The following MTUS2 variants were observed in gnomAD, a reference collection of about 807,000 sequenced individuals.
MTUS2 encodes microtubule-associated tumor suppressor candidate 2.
MTUS2 carries 40 observed loss-of-function variants against 114.1 expected under a neutral mutation model. That is an observed-to-expected ratio of 0.35 (90% CI 0.27 to 0.46). The LOEUF is 0.46. Ranked by LOEUF, MTUS2 falls within the 20% of genes least tolerant of loss-of-function variation. MTUS2 has a pLI of 1.00. For missense variants in MTUS2, 1,679 were observed against 1,705.4 expected (o/e 0.98, Z 0.27); for synonymous variants, 688 against 672.0 (o/e 1.02, Z -0.37).
At chr13:28,933,980 T>A (rs553554373) in intron 2 of MTUS2, among the ~76,000 whole-genome samples, 1 of 152,242 alleles carries the variant, frequency 6.6e-6, no homozygotes, top group Non-Finnish European at 1.5e-5. Flanking sequence ...GAAATGGGAA[T>A]GTATGGATAT....
chr13:29,426,145 A>G (rs1361721490), intron 8 of MTUS2, among the ~76,000 whole-genome samples: 1 of 152,200 alleles, frequency 6.6e-6, no homozygotes, highest in Admixed American at 6.5e-5. Flanking sequence ...CCATACCTGC[A>G]GCTCAGGAGC....
intron 9 of MTUS2, among the ~76,000 whole-genome samples, chr13:29,455,679 C>T (rs1879055399): frequency 6.6e-6 from 1 of 152,120 alleles, no homozygotes; most frequent in Non-Finnish European, 1.5e-5. Flanking sequence ...AAAAAGTAGT[C>T]AGTAGAAATG....
At chr13:28,992,884 T>C (rs765151355) in intron 2 of MTUS2, among the ~76,000 whole-genome samples, 8 of 152,194 alleles carry the variant, frequency 5.3e-5, no homozygotes, top group Non-Finnish European at 5.9e-5. Context: ...TAAAAAACTT[T>C]CCATCTCTCC....
chr13:29,416,611 C>G (rs190687083), intron 8 of MTUS2, among the ~76,000 whole-genome samples: 2 of 152,220 alleles, frequency 1.3e-5, no homozygotes, highest in Admixed American at 1.3e-4. Context: ...CAAGAAAAAA[C>G]TCACAGTTTC....
intron 7 of MTUS2, among the ~76,000 whole-genome samples, chr13:29,356,765 G>A (rs1004831487): frequency 6.6e-6 from 1 of 152,204 alleles, no homozygotes; most frequent in African/African-American, 2.4e-5. Context: ...AAGCAATAGA[G>A]AACTCTACAA....
At chr13:28,847,413 G>A (rs1384720434) in intron 2 of MTUS2, among the ~76,000 whole-genome samples, 1 of 152,162 alleles carries the variant, frequency 6.6e-6, no homozygotes, top group African/African-American at 2.4e-5. Context: ...AGGGAGGGGA[G>A]TAGTCCAAAG....
At chr13:29,474,740 G>A (rs1311585348) in intron 9 of MTUS2, among the ~76,000 whole-genome samples, 1 of 152,122 alleles carries the variant, frequency 6.6e-6, no homozygotes, top group East Asian at 1.9e-4. Context: ...CCCCCTACTA[G>A]TTCCCTAAGG....
chr13:28,826,614 A>G, intron 1 of MTUS2, among the ~76,000 whole-genome samples: 1 of 152,234 alleles, frequency 6.6e-6, no homozygotes, highest in East Asian at 1.9e-4. Flanking sequence ...TGATGGCCTG[A>G]TACTGACTTT....
chr13:29,064,319 T>G (rs904422277), intron 4 of MTUS2, among the ~76,000 whole-genome samples: 20 of 151,016 alleles, frequency 1.3e-4, no homozygotes, highest in Admixed American at 2.6e-4. Flanking sequence ...TGGTTGTCAC[T>G]GAAAATAAAG....
chr13:29,435,792 A>C (rs1383957120), intron 8 of MTUS2, among the ~76,000 whole-genome samples: 2 of 152,246 alleles, frequency 1.3e-5, no homozygotes, highest in Non-Finnish European at 2.9e-5. Context: ...TCATTTCAAA[A>C]ACAAGCACTT....
intron 5 of MTUS2, among the ~76,000 whole-genome samples, chr13:29,165,329 C>T (rs1312305817): frequency 2.6e-5 from 4 of 152,204 alleles, no homozygotes; most frequent in Admixed American, 6.5e-5. Flanking sequence ...GATAAACCTT[C>T]GCCACCATCT....
intron 2 of MTUS2, among the ~76,000 whole-genome samples, chr13:28,902,849 G>A (rs984691308): frequency 2.0e-5 from 3 of 152,118 alleles, no homozygotes; most frequent in Admixed American, 6.6e-5. Context: ...GATTTGGGAA[G>A]TGTTTTCTTA....
At chr13:29,077,919 C>T (rs904120125) in intron 4 of MTUS2, among the ~76,000 whole-genome samples, 1 of 152,016 alleles carries the variant, frequency 6.6e-6, no homozygotes, top group Non-Finnish European at 1.5e-5. Flanking sequence ...AGAATCAATA[C>T]AAAAAGGGAA....
intron 8 of MTUS2, among the ~76,000 whole-genome samples, chr13:29,406,032 C>T (rs1468273663): frequency 6.6e-5 from 10 of 152,136 alleles, no homozygotes; most frequent in African/African-American, 9.7e-5. Context: ...TGAGTCACTG[C>T]GCCTGGCCTT....
At chr13:29,271,949 C>T (rs914220576) in intron 5 of MTUS2, among the ~76,000 whole-genome samples, 6 of 152,124 alleles carry the variant, frequency 3.9e-5, no homozygotes, top group Non-Finnish European at 5.9e-5. Flanking sequence ...TTTCCCCTCA[C>T]TCTTAGTCTT....
At chr13:29,023,172 T>G (rs914380188) in intron 2 of MTUS2, among the ~76,000 whole-genome samples, 9 of 151,556 alleles carry the variant, frequency 5.9e-5, no homozygotes, top group Non-Finnish European at 1.2e-4. Context: ...GATGGAAGAG[T>G]ATGCGCAAAG....
chr13:29,368,229 C>T, intron 8 of MTUS2, among the ~76,000 whole-genome samples: 1 of 151,850 alleles, frequency 6.6e-6, no homozygotes, highest in East Asian at 1.9e-4. Context: ...TGAGCCACTG[C>T]ACCCAGCCCC....
chr13:28,852,871 C>T (rs1593246788), intron 2 of MTUS2, among the ~76,000 whole-genome samples: 1 of 128,350 alleles, frequency 7.8e-6, no homozygotes, highest in South Asian at 2.3e-4. Flanking sequence ...ATACATACAT[C>T]CTGGGTGACA....
At chr13:29,316,525 T>C (rs1053675615) in intron 6 of MTUS2, among the ~76,000 whole-genome samples, 53 of 152,274 alleles carry the variant, frequency 3.5e-4, no homozygotes, top group African/African-American at 1.2e-3. Flanking sequence ...CTAAGCTTTC[T>C]CACCCCTGCC....
Sources: gnomAD v4.1 joint callset for allele counts (sites outside exome capture counted in the v4.1 genomes callset) on GRCh38, gnomAD v4.1.1 for gene constraint, MANE v1.5 for transcripts, NCBI Gene and HGNC (gene_info 2026-07-23, HGNC 2026-07-21) for gene names.